SND1: variants seen among roughly 807,000 people sequenced by gnomAD.
The protein encoded by SND1 is staphylococcal nuclease and tudor domain containing 1, also known as staphylococcal nuclease domain-containing protein 1.
A neutral mutation model predicts 121.7 loss-of-function variants in SND1; 38 were observed. The ratio of observed to expected loss-of-function variants is 0.31; its 90% CI spans 0.24 to 0.41. The LOEUF is 0.41. Ranked by LOEUF, SND1 falls within the 10% of genes least tolerant of loss-of-function variation. SND1 has a pLI of 1.00. For missense variants in SND1, 868 were observed against 1,184.6 expected (o/e 0.73, Z 3.92); for synonymous variants, 401 against 447.4 (o/e 0.90, Z 1.31).
chr7:128,027,068 G>T (rs1803495742), intron 16 of SND1: 1 of 152,102 alleles, frequency 6.6e-6, no homozygotes, highest in South Asian at 2.1e-4. Context: ...TGGGGACATT[G>T]AATTAAAAAT....
chr7:127,997,218 TC>T (rs2116926001), intron 16 of SND1, among the ~76,000 whole-genome samples: 1 of 152,346 alleles, frequency 6.6e-6, no homozygotes, highest in East Asian at 1.9e-4. Flanking sequence ...ATGCTTTTTC[TC>T]CTCAAATCAT....
chr7:127,947,550 G>A (rs1563067093), intron 15 of SND1, among the ~76,000 whole-genome samples: 2 of 118,252 alleles, frequency 1.7e-5, no homozygotes. Context: ...CAGATGGACA[G>A]CACAGAGATG....
chr7:127,784,056 A>G (rs17151329), intron 10 of SND1, among the ~76,000 whole-genome samples: 1 of 152,222 alleles, frequency 6.6e-6, no homozygotes, highest in Admixed American at 6.5e-5. Context: ...GAGTTTCTAC[A>G]TATGGGTTAT....
At chr7:127,978,236 G>A (rs887283216) in intron 15 of SND1, among the ~76,000 whole-genome samples, 5 of 152,076 alleles carry the variant, frequency 3.3e-5, no homozygotes, top group Non-Finnish European at 7.4e-5. Context: ...GAAGCATCAA[G>A]GAAGAAAGGA....
At chr7:127,738,626 A>G (rs940094261) in intron 10 of SND1, among the ~76,000 whole-genome samples, 1 of 152,048 alleles carries the variant, frequency 6.6e-6, no homozygotes, top group African/African-American at 2.4e-5. Flanking sequence ...GGAGAAGTCC[A>G]TTGGTAGGAG....
At chr7:127,799,795 A>G (rs1344611323) in intron 10 of SND1, among the ~76,000 whole-genome samples, 1 of 152,228 alleles carries the variant, frequency 6.6e-6, no homozygotes, top group African/African-American at 2.4e-5. Context: ...AGAGAATGAA[A>G]TAGAGCTGGT....
chr7:127,751,655 G>T (rs1219173155), intron 10 of SND1, among the ~76,000 whole-genome samples: 2 of 152,250 alleles, frequency 1.3e-5, no homozygotes, highest in African/African-American at 2.4e-5. Context: ...AGATAGTGAT[G>T]TGGGGTTCTA....
intron 9 of SND1, 86 bp from the exon 10 acceptor site, chr7:127,721,201 C>G (rs1796489773): frequency 1.2e-6 from 1 of 802,036 alleles, no homozygotes; most frequent in African/African-American, 1.7e-5. Flanking sequence ...ATCTCACTTT[C>G]TACCTGTGAG....
intron 4 of SND1, among the ~76,000 whole-genome samples, chr7:127,700,158 A>G (rs1796076815): frequency 6.6e-6 from 1 of 152,272 alleles, no homozygotes; most frequent in African/African-American, 2.4e-5. Flanking sequence ...ATCTCACAGC[A>G]GGACTGGACC....
rs73721016 is a variant in SND1 at position 127,857,851 on chromosome 7, G to A, written c.1343+13427G>A. On this transcript the variant is annotated intron_variant, in intron 12 of 23. Transcript: ENST00000354725. The stretch of plus-strand genomic sequence containing the variant: ...CAAACTAGGTCCCCAGCAGTCTCAG[G>A]TGTAGAGGTCAAAGTCAATGCGTTT... The A allele has an allele frequency of 7.6e-4, 900 of 1,186,122 alleles. 3 individuals carry two copies. The African/African-American group carries it at 0.012, about 16-fold the overall frequency. The allele number at this position is 1,186,122 out of a possible 1,614,324, so 73.5% of individuals were successfully genotyped here. A position where few individuals can be genotyped will look rare whatever the true frequency, so the allele number is the denominator to read the frequency against.
At chr7:127,888,629 A>G (rs984091973) in intron 13 of SND1, among the ~76,000 whole-genome samples, 9 of 152,220 alleles carry the variant, frequency 5.9e-5, no homozygotes, top group Admixed American at 1.3e-4. Flanking sequence ...GCTCTTACTC[A>G]GGGAGTCTTT....
At chr7:127,796,736 T>C (rs1426584571) in intron 10 of SND1, among the ~76,000 whole-genome samples, 1 of 152,106 alleles carries the variant, frequency 6.6e-6, no homozygotes, top group Non-Finnish European at 1.5e-5. Context: ...CTCACGGAGT[T>C]TATATTTGCC....
At chr7:127,984,595 C>T (rs79743973) in intron 15 of SND1, among the ~76,000 whole-genome samples, 5 of 152,208 alleles carry the variant, frequency 3.3e-5, no homozygotes, top group African/African-American at 4.8e-5. Context: ...ATTTATTGAG[C>T]GTCTCCAATG....
At chr7:127,967,350 G>A (rs1344555074) in intron 15 of SND1, among the ~76,000 whole-genome samples, 3 of 152,172 alleles carry the variant, frequency 2.0e-5, no homozygotes, top group Non-Finnish European at 2.9e-5. Flanking sequence ...CAGGGATGGG[G>A]GTGGTGGGAA....
At chr7:127,850,706 T>G (rs1343650293) in intron 12 of SND1, among the ~76,000 whole-genome samples, 1 of 152,206 alleles carries the variant, frequency 6.6e-6, no homozygotes, top group Non-Finnish European at 1.5e-5. Flanking sequence ...AAGAGCAGTT[T>G]AGATTGTTTT....
chr7:128,006,226 G>T (rs1477312760), intron 16 of SND1, among the ~76,000 whole-genome samples: 4 of 151,658 alleles, frequency 2.6e-5, no homozygotes, highest in African/African-American at 7.3e-5. Context: ...AGCATGGGAA[G>T]GGTGCGTGCG....
chr7:127,720,215 A>G (rs1270580855), intron 9 of SND1, among the ~76,000 whole-genome samples: 3 of 152,186 alleles, frequency 2.0e-5, no homozygotes, highest in East Asian at 3.9e-4. Flanking sequence ...TTCACGCATG[A>G]AAGAGGAGGG....
intron 9 of SND1, among the ~76,000 whole-genome samples, chr7:127,716,227 T>A (rs1036837777): frequency 1.3e-5 from 2 of 152,232 alleles, no homozygotes; most frequent in Non-Finnish European, 2.9e-5. Flanking sequence ...TAGGATGAGC[T>A]GTTCTGTTTC....
Position 127,652,352 on chromosome 7 carries a change from C to T in SND1, c.-22C>T, listed in dbSNP as rs375850737. 15 of 1,582,444 alleles carry T rather than the reference C, an allele frequency of 9.5e-6. No individual in the cohort carries two copies. In the African/African-American group the frequency reaches 1.3e-4, roughly 14 times the overall value. ...CTCCAGTCCGGCCAGCCGCTCCACT[C>T]GTTGCCTTTGCATCTCCACACATGG... On this transcript the variant is annotated 5_prime_UTR_variant, in exon 1 of 24. Coordinates refer to ENST00000354725, the MANE Select transcript of SND1 (RefSeq NM_014390.4).
Sources: gnomAD v4.1 joint callset for allele counts (sites outside exome capture counted in the v4.1 genomes callset) on GRCh38, gnomAD v4.1.1 for gene constraint, MANE v1.5 for transcripts, NCBI Gene and HGNC (gene_info 2026-07-23, HGNC 2026-07-21) for gene names.